MCPH1: variants seen among roughly 807,000 people sequenced by gnomAD.
MCPH1 encodes microcephalin.
Under a neutral mutation model 84.5 loss-of-function variants are expected in MCPH1, and 104 were observed. That is an observed-to-expected ratio of 1.23 (90% confidence interval 1.05 to 1.45). The LOEUF (loss-of-function observed/expected upper bound fraction) is 1.45. MCPH1 is among the 40% of genes most tolerant of loss of function. MCPH1 has a pLI of 0.00. For missense variants in MCPH1, 1,498 were observed against 1,005.7 expected (o/e 1.49, Z -6.62); for synonymous variants, 514 against 366.8 (o/e 1.40, Z -4.58).
chr8:6,529,881 C>CAT (rs1819126618), intron 12 of MCPH1, among the ~76,000 whole-genome samples: 1 of 104,996 alleles, frequency 9.5e-6, no homozygotes, highest in Admixed American at 1.1e-4. Flanking sequence ...TCACAATAGG[C>CAT]GTTTTTTTTT....
chr8:6,491,183 C>T (rs1336395863), intron 11 of MCPH1, among the ~76,000 whole-genome samples: 1 of 151,348 alleles, frequency 6.6e-6, no homozygotes, highest in Non-Finnish European at 1.5e-5. Context: ...AGCAAATAAA[C>T]TTAAATTGAG....
chr8:6,511,726 ATG>A (rs1172344691), intron 12 of MCPH1, among the ~76,000 whole-genome samples: 2 of 152,190 alleles, frequency 1.3e-5, no homozygotes, highest in Admixed American at 1.3e-4. Context: ...CTTTAAACCA[ATG>A]TGTGTGTTTT....
chr8:6,514,635 A>G (rs754098080), intron 12 of MCPH1: 2 of 1,559,958 alleles, frequency 1.3e-6, no homozygotes, highest in South Asian at 2.2e-5. Context: ...GCTATTTTTC[A>G]CAAGGGAAAT....
At chr8:6,469,359 C>T (rs1228210182) in intron 9 of MCPH1, among the ~76,000 whole-genome samples, 1 of 152,136 alleles carries the variant, frequency 6.6e-6, no homozygotes, top group Non-Finnish European at 1.5e-5. Context: ...CTCTTGGGTC[C>T]ACAGACTGAG....
intron 12 of MCPH1, chr8:6,620,893 A>G (rs1831341897): frequency 6.1e-6 from 1 of 164,760 alleles, no homozygotes; most frequent in Non-Finnish European, 1.3e-5. Flanking sequence ...CCCCAAACCC[A>G]GCGTGTTTCG....
chr8:6,635,220 A>G (rs984205028), intron 13 of MCPH1: 4 of 152,206 alleles, frequency 2.6e-5, no homozygotes, highest in African/African-American at 9.7e-5. Flanking sequence ...CATTTCATTG[A>G]CTGTTGGGGA....
chr8:6,425,867 A>C (rs1411452580), intron 3 of MCPH1, among the ~76,000 whole-genome samples: 1 of 152,124 alleles, frequency 6.6e-6, no homozygotes, highest in Admixed American at 6.5e-5. Flanking sequence ...GGTGATTTTA[A>C]TACTGTGTAT....
At chr8:6,601,009 A>G (rs1002264869) in intron 12 of MCPH1, among the ~76,000 whole-genome samples, 4 of 152,158 alleles carry the variant, frequency 2.6e-5, no homozygotes, top group African/African-American at 7.2e-5. Context: ...GGGAGGAAAT[A>G]GGGACTGGAG....
In MCPH1 at chr8:6,486,167, C is replaced by T. The variant is rs571392150; in HGVS notation, c.2136+5291C>T. Among the ~76,000 whole-genome samples the T allele has an allele frequency of 2.8e-4, 43 of 152,218 alleles. 1 individual carries two copies. The South Asian group carries it at 8.5e-3, about 30-fold the overall frequency. ...ATATTTATCTATGTCTTGCATATAACTTCAGATATAAACTTCACAGTTCCA... is the reference window on the plus strand; with the variant it reads ...ATATTTATCTATGTCTTGCATATAATTTCAGATATAAACTTCACAGTTCCA... On this transcript the variant is annotated intron_variant, in intron 11 of 13. Transcript: ENST00000344683.
intron 12 of MCPH1, among the ~76,000 whole-genome samples, chr8:6,568,633 C>G (rs369390577): frequency 2.6e-5 from 4 of 152,180 alleles, no homozygotes; most frequent in Admixed American, 2.0e-4. Flanking sequence ...AAAGCCCTGC[C>G]GAGCTGAAAA....
At chr8:6,629,201 G>A (rs929503349) in intron 13 of MCPH1, among the ~76,000 whole-genome samples, 1 of 152,186 alleles carries the variant, frequency 6.6e-6, no homozygotes, top group Non-Finnish European at 1.5e-5. Context: ...GGTGGCTTAC[G>A]CCTATAATCC....
chr8:6,632,561 A>G (rs191227803), intron 13 of MCPH1, among the ~76,000 whole-genome samples: 51 of 152,280 alleles, frequency 3.3e-4, no homozygotes, highest in East Asian at 5.8e-4. Flanking sequence ...TGTAATCCCA[A>G]CACTTTGGAA....
At chr8:6,569,070 G>A (rs1459670187) in intron 12 of MCPH1, among the ~76,000 whole-genome samples, 1 of 152,210 alleles carries the variant, frequency 6.6e-6, no homozygotes, top group African/African-American at 2.4e-5. Context: ...CAGTCAACAT[G>A]TTTATATATA....
At chr8:6,609,661 C>A (rs762303961) in intron 12 of MCPH1, among the ~76,000 whole-genome samples, 2 of 152,184 alleles carry the variant, frequency 1.3e-5, no homozygotes, top group Non-Finnish European at 2.9e-5. Context: ...AGCGATTATC[C>A]TGATGCGCTT....
chr8:6,536,972 G>GA (rs58686747), intron 12 of MCPH1, among the ~76,000 whole-genome samples: 2,210 of 102,262 alleles, frequency 0.022, 30 homozygotes, highest in African/African-American at 0.039. Flanking sequence ...CTTAGTACAA[G>GA]AAAAAAAAAA....
intron 2 of MCPH1, 104 bp from the exon 3 acceptor site, chr8:6,414,661 G>T: frequency 7.8e-7 from 1 of 1,281,404 alleles, no homozygotes; most frequent in Non-Finnish European, 1.1e-6. Flanking sequence ...TTCTCTGTCA[G>T]ATGTTGAGAA....
chr8:6,456,586 T>G (rs1229484725), intron 9 of MCPH1, among the ~76,000 whole-genome samples: 1 of 151,926 alleles, frequency 6.6e-6, no homozygotes, highest in African/African-American at 2.4e-5. Flanking sequence ...CTTTACCCTC[T>G]GCCAGTGTCT....
chr8:6,468,706 G>A (rs908641675), intron 9 of MCPH1, among the ~76,000 whole-genome samples: 1 of 139,844 alleles, frequency 7.2e-6, no homozygotes, highest in Non-Finnish European at 1.5e-5. Context: ...AGTAAGTATT[G>A]AAAACTGATA....
intron 12 of MCPH1, among the ~76,000 whole-genome samples, chr8:6,503,425 C>T (rs1812598695): frequency 6.6e-6 from 1 of 152,144 alleles, no homozygotes; most frequent in Admixed American, 6.5e-5. Flanking sequence ...GGATTGTTTT[C>T]CAGCCATACA....
Sources: allele counts gnomAD v4.1 joint callset (sites outside exome capture counted in the v4.1 genomes callset), GRCh38; gene constraint gnomAD v4.1.1; transcripts MANE v1.5; gene names NCBI Gene and HGNC (gene_info 2026-07-23, HGNC 2026-07-21).